DPP10: variants seen among roughly 807,000 people sequenced by gnomAD.
DPP10 encodes inactive dipeptidyl peptidase 10.
In DPP10, 33 loss-of-function variants were observed where a neutral mutation model predicts 120.9. The observed-to-expected ratio is 0.27, with a 90% CI of 0.21 to 0.37. The LOEUF is 0.37. DPP10 is among the 10% of genes least tolerant of loss of function. DPP10 has a pLI of 1.00. For synonymous variants in DPP10, 337 were observed against 326.1 expected (o/e 1.03, Z -0.36); for missense variants, 816 against 942.8 (o/e 0.87, Z 1.76).
chr2:115,536,465 G>A (rs1163280200), intron 5 of DPP10, among the ~76,000 whole-genome samples: 1 of 151,804 alleles, frequency 6.6e-6, no homozygotes, highest in African/African-American at 2.4e-5. Context: ...GTCCTGCAAC[G>A]AACACTAATA....
intron 15 of DPP10, among the ~76,000 whole-genome samples, 155 bp downstream of exon 15, chr2:115,777,989 C>G (rs1306704825): frequency 6.6e-6 from 1 of 152,132 alleles, no homozygotes; most frequent in Admixed American, 6.6e-5. Context: ...GCACCAGTCT[C>G]TCCCTTGACA....
chr2:114,920,494 C>T (rs937496785), intron 1 of DPP10, among the ~76,000 whole-genome samples: 3 of 152,176 alleles, frequency 2.0e-5, no homozygotes, highest in Admixed American at 1.3e-4. Context: ...TCTTTCAGAC[C>T]TCTTCAGTTT....
At chr2:115,219,582 A>G (rs1419305663) in intron 1 of DPP10, among the ~76,000 whole-genome samples, 1 of 152,208 alleles carries the variant, frequency 6.6e-6, no homozygotes, top group African/African-American at 2.4e-5. Flanking sequence ...GTACTTATCA[A>G]CCATCAAAAT....
At chr2:115,467,803 G>A (rs1331416035) in intron 3 of DPP10, among the ~76,000 whole-genome samples, 1 of 152,128 alleles carries the variant, frequency 6.6e-6, no homozygotes, top group African/African-American at 2.4e-5. Flanking sequence ...CTGCATACAG[G>A]CAGGACCTTG....
At chr2:114,661,664 A>T (rs1307544494) in intron 1 of DPP10, among the ~76,000 whole-genome samples, 1 of 152,114 alleles carries the variant, frequency 6.6e-6, no homozygotes, top group Non-Finnish European at 1.5e-5. Context: ...TGTATGTTCT[A>T]TTCTGCTGCC....
chr2:115,527,779 A>G (rs1404291367), intron 5 of DPP10, among the ~76,000 whole-genome samples: 3 of 152,166 alleles, frequency 2.0e-5, no homozygotes, highest in Non-Finnish European at 2.9e-5. Flanking sequence ...ATTACTAGCC[A>G]ATAGGTAAAT....
At chr2:115,245,754 TA>T (rs889787351) in intron 1 of DPP10, among the ~76,000 whole-genome samples, 24 of 152,296 alleles carry the variant, frequency 1.6e-4, no homozygotes, top group African/African-American at 5.5e-4. Context: ...GGGAATATGT[TA>T]CTTTTGTTGC....
intron 1 of DPP10, among the ~76,000 whole-genome samples, chr2:114,687,701 TTTCTG>T (rs1472532408): frequency 6.6e-6 from 1 of 152,076 alleles, no homozygotes; most frequent in East Asian, 1.9e-4. Context: ...TTATAATCTC[TTTCTG>T]ATAAGTCACA....
At chr2:114,964,285 T>G (rs965908363) in intron 1 of DPP10, among the ~76,000 whole-genome samples, 4 of 152,196 alleles carry the variant, frequency 2.6e-5, no homozygotes, top group African/African-American at 9.7e-5. Context: ...AAATATTTCA[T>G]GAGCATCTAG....
intron 1 of DPP10, among the ~76,000 whole-genome samples, chr2:114,881,598 G>GCCTATCTA (rs1553447259): frequency 7.1e-6 from 1 of 141,102 alleles, no homozygotes; most frequent in Non-Finnish European, 1.5e-5. Flanking sequence ...CTGTCTGTCT[G>GCCTATCTA]TCTATCTATC....
At chr2:114,983,349 C>T (rs1395134184) in intron 1 of DPP10, among the ~76,000 whole-genome samples, 3 of 152,140 alleles carry the variant, frequency 2.0e-5, no homozygotes, top group Non-Finnish European at 2.9e-5. Context: ...CTTCTTGCTT[C>T]TGTATTAACT....
At chr2:115,527,289 A>G (rs949828800) in intron 5 of DPP10, among the ~76,000 whole-genome samples, 4 of 152,078 alleles carry the variant, frequency 2.6e-5, no homozygotes, top group African/African-American at 9.7e-5. Flanking sequence ...CTTTTCAACA[A>G]CTAGTGCCAG....
chr2:114,803,542 C>A (rs1433243089), intron 1 of DPP10, among the ~76,000 whole-genome samples: 1 of 152,126 alleles, frequency 6.6e-6, no homozygotes. Context: ...ACAATAAGGT[C>A]CAGGCTAAGG....
chr2:115,119,006 C>A (rs947644759), intron 1 of DPP10, among the ~76,000 whole-genome samples: 2 of 152,144 alleles, frequency 1.3e-5, no homozygotes, highest in African/African-American at 4.8e-5. Flanking sequence ...GAGGGTCAAG[C>A]AGGCAACTTG....
chr2:115,391,581 C>T (rs1402138761), intron 3 of DPP10, among the ~76,000 whole-genome samples: 1 of 151,704 alleles, frequency 6.6e-6, no homozygotes, highest in Non-Finnish European at 1.5e-5. Flanking sequence ...AGTACAGTTT[C>T]CAAATTTATA....
chr2:114,997,878 TA>T (rs1413196521), intron 1 of DPP10, among the ~76,000 whole-genome samples: 1 of 152,252 alleles, frequency 6.6e-6, no homozygotes, highest in Non-Finnish European at 1.5e-5. Context: ...ATCTTAGGAA[TA>T]GGACCGTCAT....
At chr2:115,000,414 A>G (rs1443890220) in intron 1 of DPP10, among the ~76,000 whole-genome samples, 5 of 152,170 alleles carry the variant, frequency 3.3e-5, no homozygotes, top group Non-Finnish European at 5.9e-5. Context: ...GCAAATAAAT[A>G]CTTCCAAAAG....
At chr2:115,344,004 CT>C in intron 3 of DPP10, 92 bp downstream of exon 3, 1 of 1,004,278 alleles carries the variant, frequency 1.0e-6, no homozygotes, top group Non-Finnish European at 1.4e-6. Context: ...GGCGCAATGG[CT>C]TATGCCTGTC....
intron 2 of DPP10, among the ~76,000 whole-genome samples, chr2:115,336,595 C>CTA (rs1406903802): frequency 3.3e-5 from 5 of 150,104 alleles, no homozygotes; most frequent in African/African-American, 1.2e-4. Context: ...CTCTCTCTCT[C>CTA]TCTCTATATA....
Sources: gnomAD v4.1 joint callset for allele counts (sites outside exome capture counted in the v4.1 genomes callset) on GRCh38, gnomAD v4.1.1 for gene constraint, MANE v1.5 for transcripts, NCBI Gene and HGNC (gene_info 2026-07-23, HGNC 2026-07-21) for gene names.